The following ERICH6 variants were observed in gnomAD, a reference collection of about 807,000 sequenced individuals.
ERICH6 encodes glutamate rich 6.
In ERICH6, 71 loss-of-function variants were observed where a neutral mutation model predicts 71.0. The ratio of observed to expected loss-of-function variants is 1.00; its 90% CI spans 0.83 to 1.22. The LOEUF (loss-of-function observed/expected upper bound fraction) is 1.22, where lower values mean the gene tolerates loss of function less well. Ranked by LOEUF, ERICH6 falls within the 50% of genes most tolerant of loss-of-function variation. The pLI is 0.00. For missense variants in ERICH6, 808 were observed against 797.2 expected, an observed-to-expected ratio of 1.01 and a Z score of -0.16; for synonymous variants, 262 against 278.4, an observed-to-expected ratio of 0.94 and a Z score of 0.59.
intron 13 of ERICH6, among the ~76,000 whole-genome samples, chr3:150,662,185 C>T (rs761058472): frequency 6.3e-4 from 96 of 152,084 alleles, no homozygotes; most frequent in Non-Finnish European, 1.2e-3. Context: ...CACTAGGGCG[C>T]GTAATGGGAA....
At chr3:150,679,699 C>A (rs1711818810) in intron 9 of ERICH6, among the ~76,000 whole-genome samples, 1 of 151,874 alleles carries the variant, frequency 6.6e-6, no homozygotes, top group Non-Finnish European at 1.5e-5. Flanking sequence ...TCTTTTGTTG[C>A]CCAGGCTGGA....
intron 3 of ERICH6, 29 bp from the exon 4 acceptor site, chr3:150,686,383 A>G: frequency 6.2e-7 from 1 of 1,601,768 alleles, no homozygotes; most frequent in Non-Finnish European, 8.5e-7. Flanking sequence ...TGTGTCATCA[A>G]TCTGACAAAG....
At chr3:150,701,881 T>C (rs1712881317) in intron 2 of ERICH6, among the ~76,000 whole-genome samples, 1 of 152,234 alleles carries the variant, frequency 6.6e-6, no homozygotes, top group Non-Finnish European at 1.5e-5. Flanking sequence ...CATATATAGT[T>C]ATTCTTTCAT....
chr3:150,688,210 T>A (rs1462032046), intron 3 of ERICH6, among the ~76,000 whole-genome samples: 1 of 152,078 alleles, frequency 6.6e-6, no homozygotes, highest in Non-Finnish European at 1.5e-5. Context: ...TCTGAAAAAA[T>A]TTTAAAGATG....
At chr3:150,675,907 T>C (rs1398823803) in intron 10 of ERICH6, among the ~76,000 whole-genome samples, 2 of 151,402 alleles carry the variant, frequency 1.3e-5, no homozygotes, top group Admixed American at 6.6e-5. Flanking sequence ...CTATGATGTG[T>C]CTAGAATTTT....
chr3:150,682,708 G>T (rs1466159222), intron 6 of ERICH6, among the ~76,000 whole-genome samples: 2 of 152,164 alleles, frequency 1.3e-5, no homozygotes, highest in Non-Finnish European at 2.9e-5. Context: ...TTATACAAAT[G>T]ATCTAAGTAT....
chr3:150,681,370 G>A (rs1367498601), intron 7 of ERICH6, among the ~76,000 whole-genome samples: 3 of 152,204 alleles, frequency 2.0e-5, no homozygotes, highest in Non-Finnish European at 4.4e-5. Context: ...ACATGTTTCA[G>A]TACTTCACAT....
At chr3:150,663,015 G>A (rs971266832) in intron 13 of ERICH6, among the ~76,000 whole-genome samples, 1 of 152,182 alleles carries the variant, frequency 6.6e-6, no homozygotes, top group African/African-American at 2.4e-5. Flanking sequence ...TTCAGAGAAA[G>A]AGGTCCAGAT....
rs1209656314 is a variant in ERICH6, at chr3:150,686,022, C to G, written c.611-1G>C. On this transcript the variant is annotated splice_acceptor_variant, in intron 4 of 13. Coordinates refer to ENST00000295910, the MANE Select transcript of ERICH6 (RefSeq NM_152394.5). LOFTEE classifies it high-confidence loss of function. ...TCTTCTGGATTAATTACCCATTTTT[C>G]TGGAGAGAAAGAATAGATTCATAAG... 1 of 1,599,222 alleles carries G rather than the reference C, an allele frequency of 6.3e-7. No individual in the cohort carries two copies. The highest frequency in any genetic ancestry group is 1.7e-5 in the Admixed American group (1 of 59,964).
intron 3 of ERICH6, among the ~76,000 whole-genome samples, chr3:150,692,579 T>C (rs1712494235): frequency 6.6e-6 from 1 of 152,154 alleles, no homozygotes; most frequent in Non-Finnish European, 1.5e-5. Flanking sequence ...TAAAATGATG[T>C]TTGGTTTTCT....
In ERICH6 at chr3:150,703,653, C is replaced by T. The variant is rs757045629; in HGVS notation, c.246G>A (p.Thr82=). The T allele has an allele frequency of 1.9e-6, 3 of 1,613,954 alleles. No homozygotes were observed. Among genetic ancestry groups the T allele is most frequent in the South Asian group, 2.2e-5 (2 of 91,058 alleles). The part of the protein sequence containing the change: ...TFSEEYLWKV[T]DIGDYDDDFP... ...AGTCGTCGTCGTAGTCACCGATGTC[C>T]GTGACCTTCCAGAGGTACTCTTCGC... The change falls in exon 1 of 14, where the codon ACG becomes ACA. Residue 82 remains threonine, a synonymous_variant. Transcript: ENST00000295910.
Position 150,686,364 on chromosome 3 carries a change from CAG to C in ERICH6, c.554-12_554-11del. On this transcript the variant is annotated splice_polypyrimidine_tract_variant and intron_variant, in intron 3 of 13. Coordinates refer to ENST00000295910, the MANE Select transcript of ERICH6 (RefSeq NM_152394.5). ...TTAGAGGCTTTCTTCCCTGTGAAAA[CAG>C]GGTACATGTGTCATCAATCTGACAA... 1 of 1,613,856 alleles carries C rather than the reference CAG, an allele frequency of 6.2e-7. No homozygotes were observed. Among genetic ancestry groups the C allele is most frequent in the Non-Finnish European group, 8.5e-7 (1 of 1,179,720 alleles).
intron 13 of ERICH6, among the ~76,000 whole-genome samples, chr3:150,661,886 A>C (rs1727236479): frequency 6.6e-6 from 1 of 152,198 alleles, no homozygotes. Flanking sequence ...GTCTCTAAAA[A>C]CAAACAAACA....
At chr3:150,677,739 C>T (rs933911085) in intron 10 of ERICH6, among the ~76,000 whole-genome samples, 3 of 152,018 alleles carry the variant, frequency 2.0e-5, no homozygotes, top group African/African-American at 2.4e-5. Flanking sequence ...TCCAGCAATC[C>T]GCCTGCTTTG....
At chr3:150,672,592 AAAAC>A (rs1165168218) in intron 11 of ERICH6, among the ~76,000 whole-genome samples, 3 of 151,882 alleles carry the variant, frequency 2.0e-5, no homozygotes, top group Non-Finnish European at 2.9e-5. Context: ...TATGTCTCAA[AAAAC>A]AAACAAACAA....
At chr3:150,673,029 A>G (rs1008652749) in intron 11 of ERICH6, among the ~76,000 whole-genome samples, 4 of 152,106 alleles carry the variant, frequency 2.6e-5, no homozygotes, top group Non-Finnish European at 5.9e-5. Flanking sequence ...TGTCTTAAAA[A>G]AACAATAGTA....
At chr3:150,665,774 G>C (rs773498833) in intron 13 of ERICH6, among the ~76,000 whole-genome samples, 3 of 147,112 alleles carry the variant, frequency 2.0e-5, no homozygotes, top group Non-Finnish European at 4.4e-5. Context: ...GTTGCAGTGA[G>C]CTGAGATCGC....
intron 2 of ERICH6, among the ~76,000 whole-genome samples, chr3:150,701,464 T>C (rs758678480): frequency 7.9e-5 from 12 of 152,150 alleles, no homozygotes; most frequent in Non-Finnish European, 1.5e-4. Flanking sequence ...TGTAGTTTGA[T>C]TTTTTTAACC....
intron 6 of ERICH6, 66 bp downstream of exon 6, chr3:150,685,676 C>G: frequency 7.7e-7 from 1 of 1,300,988 alleles, no homozygotes; most frequent in Non-Finnish European, 1.1e-6. Flanking sequence ...GTCTATTGTG[C>G]AAATCATTAT....
Sources: gnomAD v4.1 joint callset for allele counts (sites outside exome capture counted in the v4.1 genomes callset) on GRCh38, gnomAD v4.1.1 for gene constraint, MANE v1.5 for transcripts, NCBI Gene and HGNC (gene_info 2026-07-23, HGNC 2026-07-21) for gene names.